Variants in CDHR3 observed in about 807,000 individuals in gnomAD.
CDHR3 encodes the protein cadherin-related family member 3.
In CDHR3, 79 loss-of-function variants were observed where a neutral mutation model predicts 86.6. The observed-to-expected ratio is 0.91, with a 90% CI of 0.76 to 1.10. The LOEUF is 1.10. CDHR3 is among the 50% of genes least tolerant of loss of function. The pLI, the probability that CDHR3 is intolerant of heterozygous loss-of-function variation, is 0.00. For synonymous variants in CDHR3, 421 were observed against 402.4 expected (o/e 1.05, Z -0.55); for missense variants, 1,081 against 1,077.6 (o/e 1.00, Z -0.04).
chr7:106,002,255 C>T (rs1046557719), intron 7 of CDHR3, among the ~76,000 whole-genome samples: 18 of 152,092 alleles, frequency 1.2e-4, no homozygotes, highest in Middle Eastern at 3.2e-3. Flanking sequence ...GAAAAGCATA[C>T]GAATTCATTT....
Position 105,974,867 on chromosome 7 carries a change from C to T in CDHR3, c.70C>T (p.Leu24Phe). 6.2e-7 allele frequency: 1 copy of T among 1,613,536 alleles called. No individual in the cohort carries two copies. The highest frequency in any genetic ancestry group is 8.5e-7 in the Non-Finnish European group (1 of 1,179,672). The change falls in exon 2 of 19, where the codon CTC (leucine) becomes TTC (phenylalanine). Residue 24 changes from leucine to phenylalanine, a missense_variant. Transcript: ENST00000317716. The stretch of plus-strand genomic sequence containing the variant: ...AGGGGGAGAAGCACTACACCTAATC[C>T]TCTTACCTGCTACAGGCAATGTGGC... The part of the protein sequence containing the change: ...MSGGEALHLI[L>F]LPATGNVAEN...
At chr7:106,028,115 C>CT (rs1428848549) in intron 16 of CDHR3, among the ~76,000 whole-genome samples, 15 of 116,700 alleles carry the variant, frequency 1.3e-4, no homozygotes, top group African/African-American at 5.0e-4. Context: ...GAGACCCTGT[C>CT]TTAAAATAAA....
In CDHR3 at chr7:106,016,041, G is replaced by C; in HGVS notation, c.1426+16G>C. 1 of 1,553,202 alleles carries C rather than the reference G, an allele frequency of 6.4e-7. No individual in the cohort carries two copies. Among genetic ancestry groups the C allele is most frequent in the Non-Finnish European group, 8.8e-7 (1 of 1,130,316 alleles). ...AGAAGGCCCGGTAAGTAACAGATAAGACACAGACCAGAGTGCTGTCAATGG... is the reference window on the plus strand; with the variant it reads ...AGAAGGCCCGGTAAGTAACAGATAACACACAGACCAGAGTGCTGTCAATGG... On this transcript the variant is annotated intron_variant, in intron 11 of 18. Coordinates refer to ENST00000317716, the MANE Select transcript of CDHR3 (RefSeq NM_152750.5).
Position 106,004,574 on chromosome 7 carries a change from G to A in CDHR3, c.939G>A (p.Leu313=), listed in dbSNP as rs761316505. The change falls in exon 8 of 19, where the codon CTG becomes CTA. Residue 313 remains leucine, a synonymous_variant. Transcript: ENST00000317716. The part of the protein sequence containing the change: ...GELRQNPTIS[L]EVLVKDRPYG... ...TGAGACAAAATCCCACCATTTCCCT[G>A]GAAGTTCTAGTGAAGGACAGACCAT... The A allele has an allele frequency of 6.2e-7, 1 of 1,613,862 alleles. No individual in the cohort carries two copies. Among genetic ancestry groups the A allele is most frequent in the Non-Finnish European group, 8.5e-7 (1 of 1,179,882 alleles).
At position 106,032,397 on chromosome 7, in the gene CDHR3, C is replaced by T. The variant is rs189227327; in HGVS notation, c.2358C>T (p.Thr786=). The T allele has an allele frequency of 1.2e-4, 195 of 1,602,836 alleles. No individual in the cohort carries two copies. The highest frequency in any genetic ancestry group is 3.8e-4 in the Admixed American group (22 of 58,508). ...GTTGTATTTTTTTTTCACTAGTGAC[C>T]GGGGAAACATATGAATTCAACTCAA... ...IFDGEAIDPV[T]GETYEFNSKT... is the part of the protein sequence containing the mutation. The change falls in exon 19 of 19, where the codon ACC becomes ACT. Residue 786 remains threonine, a synonymous_variant. Transcript: ENST00000317716.
intron 13 of CDHR3, 90 bp from the exon 14 acceptor site, chr7:106,022,108 A>G: frequency 6.7e-7 from 1 of 1,502,826 alleles, no homozygotes; most frequent in Non-Finnish European, 9.1e-7. Context: ...GACATTTGAG[A>G]AAAAGATTGA....
chr7:105,990,910 G>T (rs967612201), intron 4 of CDHR3, among the ~76,000 whole-genome samples: 14 of 152,178 alleles, frequency 9.2e-5, no homozygotes, highest in African/African-American at 3.1e-4. Flanking sequence ...ACAATCAAGG[G>T]TGAATGGGGC....
At chr7:106,000,626 C>T (rs1832994929) in intron 6 of CDHR3, among the ~76,000 whole-genome samples, 1 of 152,130 alleles carries the variant, frequency 6.6e-6, no homozygotes, top group Admixed American at 6.5e-5. Context: ...TTGTTTTAAA[C>T]AATAAGCCTC....
intron 1 of CDHR3, 103 bp downstream of exon 1, chr7:105,963,467 T>A: frequency 8.0e-7 from 1 of 1,252,462 alleles, no homozygotes. Context: ...CTGGGAGGCT[T>A]GTTCAATTGA....
At chr7:105,979,288 T>C (rs1444782578) in intron 2 of CDHR3, among the ~76,000 whole-genome samples, 1 of 152,174 alleles carries the variant, frequency 6.6e-6, no homozygotes, top group African/African-American at 2.4e-5. Flanking sequence ...CTCACTACCA[T>C]GTGCCCAGCA....
chr7:105,969,694 A>G (rs962510568), intron 1 of CDHR3, among the ~76,000 whole-genome samples: 3 of 152,224 alleles, frequency 2.0e-5, no homozygotes, highest in Admixed American at 1.3e-4. Flanking sequence ...CATAGAGAAA[A>G]GACAACAGTA....
At chr7:106,019,999 G>A (rs937813460) in intron 12 of CDHR3, among the ~76,000 whole-genome samples, 2 of 152,158 alleles carry the variant, frequency 1.3e-5, no homozygotes, top group Admixed American at 1.3e-4. Context: ...AAAACAACTC[G>A]GTGTCATCTG....
chr7:105,984,726 A>G (rs774701376), intron 4 of CDHR3, among the ~76,000 whole-genome samples: 1 of 152,126 alleles, frequency 6.6e-6, no homozygotes, highest in Non-Finnish European at 1.5e-5. Flanking sequence ...AAATCCAAGC[A>G]TTTACCTACC....
At chr7:106,020,235 G>A in intron 12 of CDHR3, 138 bp from the exon 13 acceptor site, 3 of 706,642 alleles carry the variant, frequency 4.2e-6, no homozygotes, top group Non-Finnish European at 6.9e-6. Flanking sequence ...CCATAAAATG[G>A]GAATAATCAT....
intron 6 of CDHR3, among the ~76,000 whole-genome samples, chr7:105,997,687 A>G (rs1265728484): frequency 6.6e-6 from 1 of 152,060 alleles, no homozygotes; most frequent in Admixed American, 6.5e-5. Flanking sequence ...GGAGGAGGGG[A>G]GGAAGGTTAA....
chr7:106,004,556 A>C lies in CDHR3; in HGVS notation c.921A>C (p.Gln307His). 6.2e-7 allele frequency: 1 copy of C among 1,614,030 alleles called. No individual in the cohort carries two copies. Among genetic ancestry groups the C allele is most frequent in the Non-Finnish European group, 8.5e-7 (1 of 1,179,884 alleles). The change falls in exon 8 of 19, where the codon CAA (glutamine) becomes CAC (histidine). Residue 307 changes from glutamine to histidine, a missense_variant. Physicochemically the swap from Gln to His is conservative, Grantham distance 24. Coordinates refer to ENST00000317716, the MANE Select transcript of CDHR3 (RefSeq NM_152750.5). ...ACCGAGATGCAGGTGAATTGAGACA[A>C]AATCCCACCATTTCCCTGGAAGTTC... Reference protein sequence around the residue: ...RIDRDAGELRQNPTISLEVLV... With the variant: ...RIDRDAGELRHNPTISLEVLV...
chr7:105,981,178 AG>A, intron 3 of CDHR3, 45 bp downstream of exon 3: 1 of 1,588,174 alleles, frequency 6.3e-7, no homozygotes. Flanking sequence ...CAGTGGCATC[AG>A]GGAGGGCCCT....
At position 106,012,761 on chromosome 7, in the gene CDHR3, T is replaced by C. The variant is rs539543025; in HGVS notation, c.1053-99T>C. Reference sequence around the variant, plus strand: ...GCAATGACCATGGACTTACTTTGAATTGCAGTTAAAGTAGAGGTGTCTAGC... The same window carrying C: ...GCAATGACCATGGACTTACTTTGAACTGCAGTTAAAGTAGAGGTGTCTAGC... On this transcript the variant is annotated intron_variant, in intron 8 of 18. Transcript: ENST00000317716. The C allele has an allele frequency of 3.9e-6, 5 of 1,278,320 alleles. 1 individual carries two copies. In the South Asian group the frequency reaches 4.6e-5, roughly 12 times the overall value. 79.2% of individuals were successfully genotyped at this position (1,278,320 alleles called of 1,614,324 possible).
At chr7:106,001,332 C>T (rs1833138639) in intron 6 of CDHR3, 130 bp from the exon 7 acceptor site, 14 of 911,854 alleles carry the variant, frequency 1.5e-5, no homozygotes, top group Non-Finnish European at 2.3e-5. Context: ...GCTGTGCTCT[C>T]CCTCTGAGCA....
Sources: gnomAD v4.1 joint callset for allele counts (sites outside exome capture counted in the v4.1 genomes callset) on GRCh38, gnomAD v4.1.1 for gene constraint, MANE v1.5 for transcripts, NCBI Gene and HGNC (gene_info 2026-07-23, HGNC 2026-07-21) for gene names.